The following RALGPS1 variants were observed in gnomAD, a reference collection of about 807,000 sequenced individuals.
RALGPS1 encodes the protein ras-specific guanine nucleotide-releasing factor RalGPS1.
Under a neutral mutation model 78.8 loss-of-function variants are expected in RALGPS1, and 19 were observed. The ratio of observed to expected loss-of-function variants is 0.24; its 90% CI spans 0.17 to 0.35. The LOEUF is 0.35. Among genes scored for constraint, RALGPS1 ranks in the 10% least tolerant of loss-of-function variants. RALGPS1 has a pLI of 1.00. For missense variants in RALGPS1, 454 were observed against 688.3 expected, an observed-to-expected ratio of 0.66 and a Z score of 3.81; for synonymous variants, 228 against 256.3, an observed-to-expected ratio of 0.89 and a Z score of 1.06.
At chr9:126,958,142 A>AAT (rs1554765218) in intron 1 of RALGPS1, among the ~76,000 whole-genome samples, 142 of 76,956 alleles carry the variant, frequency 1.8e-3, no homozygotes, top group Middle Eastern at 0.013. Flanking sequence ...AAAAAAAAAA[A>AAT]ATATATATAT....
chr9:127,098,087 C>T (rs927968740), intron 8 of RALGPS1, among the ~76,000 whole-genome samples: 1 of 152,220 alleles, frequency 6.6e-6, no homozygotes, highest in Non-Finnish European at 1.5e-5. Flanking sequence ...CTCCTCCACA[C>T]ACGTTACTAT....
intron 2 of RALGPS1, among the ~76,000 whole-genome samples, chr9:126,965,336 A>T (rs865922181): frequency 6.6e-6 from 1 of 152,220 alleles, no homozygotes; most frequent in African/African-American, 2.4e-5. Flanking sequence ...AGTGACTTCA[A>T]GTAGGAAAAA....
At chr9:127,067,246 G>A (rs2049795327) in intron 7 of RALGPS1, among the ~76,000 whole-genome samples, 4 of 152,216 alleles carry the variant, frequency 2.6e-5, no homozygotes, top group African/African-American at 4.8e-5. Flanking sequence ...CTGAGCATCT[G>A]TGTAGCATCC....
intron 5 of RALGPS1, among the ~76,000 whole-genome samples, chr9:127,034,817 C>T (rs1288986179): frequency 6.6e-6 from 1 of 152,138 alleles, no homozygotes; most frequent in African/African-American, 2.4e-5. Flanking sequence ...TCGCTTCTGT[C>T]CACTCCTCCA....
chr9:126,931,506 A>G (rs1348586994), intron 1 of RALGPS1, among the ~76,000 whole-genome samples: 1 of 152,262 alleles, frequency 6.6e-6, no homozygotes, highest in African/African-American at 2.4e-5. Context: ...GAGTGAAAGA[A>G]GCAAGACACA....
chr9:127,115,789 G>C (rs150811299), intron 8 of RALGPS1, among the ~76,000 whole-genome samples: 165 of 152,360 alleles, frequency 1.1e-3, no homozygotes, highest in African/African-American at 3.9e-3. Flanking sequence ...GCTTGATCAC[G>C]CAAGTGGTAA....
At chr9:127,160,534 G>A (rs2058962912) in intron 8 of RALGPS1, among the ~76,000 whole-genome samples, 1 of 152,206 alleles carries the variant, frequency 6.6e-6, no homozygotes, top group African/African-American at 2.4e-5. Flanking sequence ...CAGAGCCCAA[G>A]CATGGTCTGG....
chr9:126,977,576 G>C, intron 3 of RALGPS1, 119 bp from the exon 4 acceptor site: 1 of 598,224 alleles, frequency 1.7e-6, no homozygotes, highest in Admixed American at 3.7e-5. Context: ...ATTTGGTCTT[G>C]TTTTTTATCT....
At chr9:127,153,693 G>C (rs913493696) in intron 8 of RALGPS1, among the ~76,000 whole-genome samples, 9 of 152,090 alleles carry the variant, frequency 5.9e-5, no homozygotes, top group Non-Finnish European at 1.0e-4. Context: ...TCTTCTAATT[G>C]GTCAGCAGAC....
intron 14 of RALGPS1, among the ~76,000 whole-genome samples, chr9:127,207,020 C>T (rs377034667): frequency 4.6e-5 from 7 of 152,238 alleles, no homozygotes; most frequent in African/African-American, 1.7e-4. Flanking sequence ...GCCTACCTCA[C>T]AGTGTTATAT....
At chr9:127,037,113 A>G (rs898729985) in intron 5 of RALGPS1, among the ~76,000 whole-genome samples, 4 of 152,236 alleles carry the variant, frequency 2.6e-5, no homozygotes, top group Non-Finnish European at 5.9e-5. Context: ...AGACTAAACA[A>G]GAATCATGAA....
chr9:126,921,831 T>TG (rs2034792719), intron 1 of RALGPS1, among the ~76,000 whole-genome samples: 1 of 152,242 alleles, frequency 6.6e-6, no homozygotes. Flanking sequence ...TTGCACATTG[T>TG]GAGCACCCAG....
intron 8 of RALGPS1, among the ~76,000 whole-genome samples, chr9:127,120,825 C>T (rs1278993680): frequency 6.8e-6 from 1 of 148,098 alleles, no homozygotes; most frequent in Non-Finnish European, 1.5e-5. Flanking sequence ...GAGACTCCAT[C>T]TCAAAAAAAA....
intron 8 of RALGPS1, among the ~76,000 whole-genome samples, chr9:127,145,238 G>A (rs1008452407): frequency 6.6e-6 from 1 of 152,120 alleles, no homozygotes; most frequent in Non-Finnish European, 1.5e-5. Flanking sequence ...TAAGCACTTC[G>A]TCGGTATTAT....
chr9:127,218,909 C>A lies in RALGPS1; in HGVS notation c.*140C>A. On this transcript the variant is annotated 3_prime_UTR_variant, in exon 19 of 19. Transcript: ENST00000259351. This position sits in a 1 kb window ranked among gnomAD's most constrained non-coding sequence, Gnocchi z 4.4. ...TGGACTCAGGGGACACGGCCTGTGG[C>A]CTCACCATCCCAGAGGGCTTCACCA... 1 of 942,064 alleles carries A rather than the reference C, an allele frequency of 1.1e-6. No individual in the cohort carries two copies. The highest frequency in any genetic ancestry group is 2.4e-5 in the East Asian group (1 of 41,594). The allele number at this position is 942,064 out of a possible 1,614,324, so 58.4% of individuals were successfully genotyped here. A position where few individuals can be genotyped will look rare whatever the true frequency, so the allele number is the denominator to read the frequency against.
intron 11 of RALGPS1, among the ~76,000 whole-genome samples, chr9:127,175,679 T>C (rs919827520): frequency 2.7e-5 from 1 of 37,202 alleles, no homozygotes; most frequent in Non-Finnish European, 5.4e-5. Context: ...TGGGCCTCCT[T>C]TTTTTTTTTT....
rs1240811205 is a variant in RALGPS1, at chr9:127,107,324, G to A, written c.610+37968G>A. On this transcript the variant is annotated intron_variant, in intron 8 of 18. Transcript: ENST00000259351. ...TTCCTCCCCCATAACGGTATTCGGA[G>A]AATTGCTGTATTTTAAGATGAAACG... 2.6e-5 allele frequency among the ~76,000 whole-genome samples: 4 copies of A among 152,302 alleles called. No homozygotes were observed. In the East Asian group the frequency reaches 7.7e-4, roughly 29 times the overall value.
At chr9:127,010,001 G>A (rs189938215) in intron 4 of RALGPS1, among the ~76,000 whole-genome samples, 58 of 152,262 alleles carry the variant, frequency 3.8e-4, no homozygotes, top group Middle Eastern at 3.4e-3. Context: ...CTTCCAAGGA[G>A]GTCCCTGGTT....
Position 126,958,126 on chromosome 9 carries a change from T to TAAAAAAAAA in RALGPS1, c.-65-4090_-65-4082dup, listed in dbSNP as rs11290290. 7.5e-4 allele frequency among the ~76,000 whole-genome samples: 58 copies of TAAAAAAAAA among 77,544 alleles called. 1 individual carries two copies. The highest frequency in any genetic ancestry group is 2.1e-3 in the East Asian group (5 of 2,328). 50.9% of individuals were successfully genotyped at this position (77,544 alleles called of 152,430 possible). ...AAACTGGGAAACAGAGCTGTCTCTTTAAAAAAAAAAAAAAAAATATATATA... is the reference window on the plus strand; with the variant it reads ...AAACTGGGAAACAGAGCTGTCTCTTTAAAAAAAAAAAAAAAAAAAAAAAAAATATATATA... On this transcript the variant is annotated intron_variant, in intron 1 of 18. Transcript: ENST00000259351.
Sources: allele counts gnomAD v4.1 joint callset (sites outside exome capture counted in the v4.1 genomes callset), GRCh38; gene constraint gnomAD v4.1.1; non-coding constraint Gnocchi (gnomAD v3.1); transcripts MANE v1.5; gene names NCBI Gene and HGNC (gene_info 2026-07-23, HGNC 2026-07-21).